The following PML variants were observed in gnomAD, a reference collection of about 807,000 sequenced individuals.
The protein encoded by PML is PML nuclear body scaffold.
PML carries 28 observed loss-of-function variants against 65.2 expected under a neutral mutation model. The observed-to-expected ratio is 0.43, with a 90% CI of 0.32 to 0.59. The LOEUF (loss-of-function observed/expected upper bound fraction) is 0.59. Ranked by LOEUF, PML falls within the 20% of genes least tolerant of loss-of-function variation. PML has a pLI of 0.08. For missense variants in PML, 1,021 were observed against 1,203.4 expected, an observed-to-expected ratio of 0.85 and a Z score of 2.24; for synonymous variants, 500 against 508.8, an observed-to-expected ratio of 0.98 and a Z score of 0.23.
chr15:74,024,976 C>T (rs564643069), intron 4 of PML, 49 bp downstream of exon 4: 5 of 1,329,598 alleles, frequency 3.8e-6, no homozygotes, highest in South Asian at 2.3e-5. Context: ...CCCAGCAGGT[C>T]AGGCAGGTTG....
Position 74,044,864 on chromosome 15 carries a change from C to G in PML, c.2505C>G (p.Pro835=). The change falls in exon 9 of 9, where the codon CCC becomes CCG. Residue 835 remains proline (P), a synonymous_variant. Transcript: ENST00000268058. ...RYLSLQTTTL[P]PAQPAFNLQA... ...TAAGCCTGCAGACCACCACGTTGCC[C>G]CCTGCCCAGCCTGCTTTCAACCTGC... 6.2e-7 allele frequency: 1 copy of G among 1,613,516 alleles called. No individual in the cohort carries two copies. The highest frequency in any genetic ancestry group is 8.5e-7 in the Non-Finnish European group (1 of 1,180,028).
At chr15:73,996,549 T>C (rs1409707103) in intron 1 of PML, among the ~76,000 whole-genome samples, 3 of 152,230 alleles carry the variant, frequency 2.0e-5, no homozygotes. Context: ...AGTTCTTAGA[T>C]AATAAAAGTT....
intron 6 of PML, chr15:74,034,079 G>A (rs1050634087): frequency 5.5e-6 from 2 of 363,796 alleles, no homozygotes; most frequent in South Asian, 2.6e-5. Context: ...GATGGGTTTT[G>A]ATTAACTAAA....
At chr15:74,040,254 T>C (rs1428836890) in intron 7 of PML, among the ~76,000 whole-genome samples, 2 of 150,788 alleles carry the variant, frequency 1.3e-5, no homozygotes, top group African/African-American at 2.5e-5. Flanking sequence ...CTTCAGTCCT[T>C]CTTCCCCTTT....
In PML at chr15:74,035,789, T is replaced by G. The variant is rs750806582; in HGVS notation, c.1710+1259T>G. The G allele has an allele frequency of 8.7e-6, 14 of 1,614,082 alleles. No individual in the cohort carries two copies. The South Asian group carries it at 1.5e-4, about 18-fold the overall frequency. On this transcript the variant is annotated intron_variant, in intron 7 of 8. Transcript: ENST00000268058. The surrounding 1 kb of genome is among the most constrained non-coding windows in gnomAD (Gnocchi z 4.1). Reference sequence around the variant, plus strand: ...GGGCAGGGGAAAGCAGAGCCCAGACTCTTGGAGCAGGTGTTCCCCCTGGGG... The same window carrying G: ...GGGCAGGGGAAAGCAGAGCCCAGACGCTTGGAGCAGGTGTTCCCCCTGGGG...
intron 4 of PML, among the ~76,000 whole-genome samples, chr15:74,029,464 AAAT>A: frequency 6.6e-6 from 1 of 152,250 alleles, no homozygotes; most frequent in South Asian, 2.1e-4. Context: ...TCTCTTCTAA[AAAT>A]ACAAACATTA....
At position 74,022,983 on chromosome 15, in the gene PML, C is replaced by A; in HGVS notation, c.758C>A (p.Ala253Asp). 5.6e-6 allele frequency: 9 copies of A among 1,610,140 alleles called. No individual in the cohort carries two copies. The highest frequency in any genetic ancestry group is 7.6e-6 in the Non-Finnish European group (9 of 1,178,856). ...MTQALQEQDSAFGAVHAQMHA... is the reference protein window; with the variant it reads ...MTQALQEQDSDFGAVHAQMHA... ...CAGGCGCTGCAGGAGCAGGATAGTGCCTTTGGCGCGGTTCACGCGCAGATG... is the reference window on the plus strand; with the variant it reads ...CAGGCGCTGCAGGAGCAGGATAGTGACTTTGGCGCGGTTCACGCGCAGATG... Residue 253 changes from alanine (A) to aspartate (D), a missense_variant, in exon 3 of 9, where the codon GCC becomes GAC. Coordinates refer to ENST00000268058, the MANE Select transcript of PML (RefSeq NM_033238.3).
intron 2 of PML, among the ~76,000 whole-genome samples, chr15:74,015,081 C>T (rs185622143): frequency 3.9e-5 from 6 of 152,324 alleles, no homozygotes; most frequent in African/African-American, 7.2e-5. Flanking sequence ...TTCCTTTCAC[C>T]GCTTTCCTTG....
In PML at chr15:74,033,425, G is replaced by A; in HGVS notation, c.1657+11G>A. On this transcript the variant is annotated intron_variant, in intron 6 of 8. Transcript: ENST00000268058. ...GCGCCGGGGAGGCAGGTAGGGAGGT[G>A]GGTAGGGCAGTGGCCTGGGTGCTGC... The A allele has an allele frequency of 6.2e-7, 1 of 1,612,330 alleles. No individual in the cohort carries two copies. Among genetic ancestry groups the A allele is most frequent in the Non-Finnish European group, 8.5e-7 (1 of 1,179,526 alleles).
intron 3 of PML, among the ~76,000 whole-genome samples, 190 bp from the exon 4 acceptor site, chr15:74,024,667 C>T (rs770758491): frequency 2.6e-5 from 4 of 152,210 alleles, no homozygotes; most frequent in Non-Finnish European, 5.9e-5. Flanking sequence ...GGCTGGGTTC[C>T]TGCCCACTGC....
intron 2 of PML, among the ~76,000 whole-genome samples, chr15:74,006,854 A>G (rs914792614): frequency 2.0e-5 from 3 of 152,030 alleles, no homozygotes; most frequent in Non-Finnish European, 4.4e-5. Context: ...GAGAAGGAGG[A>G]AGCAAGAGAA....
At chr15:74,006,304 T>C (rs2070046063) in intron 2 of PML, among the ~76,000 whole-genome samples, 1 of 147,624 alleles carries the variant, frequency 6.8e-6, no homozygotes, top group Non-Finnish European at 1.5e-5. Context: ...GGCAGGAGAA[T>C]TGCATGAACC....
intron 3 of PML, 84 bp from the exon 4 acceptor site, chr15:74,024,773 C>T (rs1195608955): frequency 2.0e-6 from 2 of 982,792 alleles, no homozygotes; most frequent in Non-Finnish European, 3.3e-6. Context: ...GCAACAGGGA[C>T]CTCCTCTCTA....
chr15:74,002,217 G>A (rs930482389), intron 2 of PML, among the ~76,000 whole-genome samples: 14 of 151,936 alleles, frequency 9.2e-5, no homozygotes, highest in African/African-American at 3.1e-4. Context: ...TTTTCTTAGC[G>A]GCCTAGGATA....
intron 1 of PML, 111 bp from the exon 2 acceptor site, chr15:73,997,893 C>G: frequency 1.1e-6 from 1 of 918,376 alleles, no homozygotes; most frequent in Non-Finnish European, 1.8e-6. Flanking sequence ...CAATGACTGG[C>G]TGGAATGGAA....
intron 2 of PML, among the ~76,000 whole-genome samples, chr15:74,003,424 C>T (rs1460744296): frequency 2.0e-5 from 3 of 152,050 alleles, no homozygotes; most frequent in Admixed American, 6.6e-5. Context: ...AAGAGTGAAA[C>T]TCCATCTCAG....
At chr15:73,997,941 T>C in intron 1 of PML, 63 bp from the exon 2 acceptor site, 4 of 1,420,696 alleles carry the variant, frequency 2.8e-6, no homozygotes, top group Non-Finnish European at 4.0e-6. Context: ...GTAAGGGTGG[T>C]TGGCCGGTAG....
Position 74,037,259 on chromosome 15 carries a change from C to T in PML, c.1710+2729C>T, listed in dbSNP as rs1368200159. 1 of 985,320 alleles carries T rather than the reference C, an allele frequency of 1.0e-6. No individual in the cohort carries two copies. Among genetic ancestry groups the T allele is most frequent in the Non-Finnish European group, 1.2e-6 (1 of 829,932 alleles). The allele number at this position is 985,320 out of a possible 1,614,324, so 61.0% of individuals were successfully genotyped here. ...TTCTGCTCCAGGGAGAAAACAGGAGCTCTCCAATGGCATAGGGACAGTTGA... is the reference window on the plus strand; with the variant it reads ...TTCTGCTCCAGGGAGAAAACAGGAGTTCTCCAATGGCATAGGGACAGTTGA... On this transcript the variant is annotated intron_variant, in intron 7 of 8. Coordinates refer to ENST00000268058, the MANE Select transcript of PML (RefSeq NM_033238.3). The surrounding 1 kb of genome is among the most constrained non-coding windows in gnomAD (Gnocchi z 4.2).
intron 2 of PML, among the ~76,000 whole-genome samples, chr15:74,011,075 T>C (rs1012466252): frequency 6.6e-6 from 1 of 152,210 alleles, no homozygotes. Context: ...GGAGGTACTT[T>C]CTCTGTATTT....
Sources: gnomAD v4.1 joint callset for allele counts (sites outside exome capture counted in the v4.1 genomes callset) on GRCh38, gnomAD v4.1.1 for gene constraint, Gnocchi (gnomAD v3.1) non-coding constraint, MANE v1.5 for transcripts, NCBI Gene and HGNC (gene_info 2026-07-23, HGNC 2026-07-21) for gene names.